Variants in LINS1 observed in about 807,000 individuals in gnomAD.
LINS1 encodes the protein lines homolog 1.
Under a neutral mutation model 41.6 loss-of-function variants are expected in LINS1, and 27 were observed. The observed-to-expected ratio is 0.65, with a 90% CI of 0.48 to 0.89. The LOEUF is 0.89. LINS1 is among the 40% of genes least tolerant of loss of function. LINS1 has a pLI of 0.00. For missense variants in LINS1, 955 were observed against 884.1 expected, an observed-to-expected ratio of 1.08 and a Z score of -1.02; for synonymous variants, 336 against 312.9, an observed-to-expected ratio of 1.07 and a Z score of -0.78.
intron 3 of LINS1, among the ~76,000 whole-genome samples, chr15:100,579,676 C>G (rs569479847): frequency 7.3e-6 from 1 of 136,744 alleles, no homozygotes; most frequent in South Asian, 2.3e-4. Flanking sequence ...TGTTTATTAA[C>G]TAATTCAGAG....
Position 100,569,102 on chromosome 15 carries a change from G to T in LINS1, c.*136C>A. ...CACGCCACTGCACTCCGGCCTGAGCGACAGAATGAGATTCTGTCTCAAAAA... is the reference window on the plus strand; with the variant it reads ...CACGCCACTGCACTCCGGCCTGAGCTACAGAATGAGATTCTGTCTCAAAAA... On this transcript the variant is annotated 3_prime_UTR_variant, in exon 7 of 7. Transcript: ENST00000314742. 1 of 576,664 alleles carries T rather than the reference G, an allele frequency of 1.7e-6. No homozygotes were observed. The highest frequency in any genetic ancestry group is 2.8e-6 in the Non-Finnish European group (1 of 353,880). 35.7% of individuals were successfully genotyped at this position (576,664 alleles called of 1,614,324 possible). A position where few individuals can be genotyped will look rare whatever the true frequency, so the allele number is the denominator to read the frequency against.
intron 1 of LINS1, among the ~76,000 whole-genome samples, chr15:100,595,320 A>C (rs1348234364): frequency 7.5e-6 from 1 of 133,944 alleles, no homozygotes; most frequent in Non-Finnish European, 1.6e-5. Context: ...TATATAAAGA[A>C]CTCCCAAAAC....
rs202005410 is a variant in LINS1, at chr15:100,571,987, G to T, written c.1301C>A (p.Pro434Gln). Residue 434 changes from proline to glutamine, a missense_variant, in exon 6 of 7, where the codon CCG (proline) becomes CAG (glutamine). Coordinates refer to ENST00000314742, the MANE Select transcript of LINS1 (RefSeq NM_001040616.3). ...HLQPSLQLHNPCKWLSRVFIE... is the reference protein window; with the variant it reads ...HLQPSLQLHNQCKWLSRVFIE... ...GAAAACCCGAGACAGCCATTTGCAC[G>T]GATTGTGTAATTGCAGAGAGGGCTG... 1.2e-6 allele frequency: 2 copies of T among 1,614,164 alleles called. No homozygotes were observed. The highest frequency in any genetic ancestry group is 1.7e-6 in the Non-Finnish European group (2 of 1,180,026).
chr15:100,592,437 C>T (rs2039079100), intron 1 of LINS1, among the ~76,000 whole-genome samples: 1 of 152,120 alleles, frequency 6.6e-6, no homozygotes, highest in Admixed American at 6.6e-5. Context: ...TCCCTCTCCC[C>T]TTCCTGAGAC....
intron 1 of LINS1, among the ~76,000 whole-genome samples, chr15:100,597,954 A>G (rs2039318988): frequency 6.6e-6 from 1 of 152,258 alleles, no homozygotes; most frequent in African/African-American, 2.4e-5. Flanking sequence ...TGTATAACTC[A>G]AGTAGGAAGA....
chr15:100,590,397 ATCAG>A (rs1402329783), intron 1 of LINS1, among the ~76,000 whole-genome samples: 2 of 152,240 alleles, frequency 1.3e-5, no homozygotes, highest in Admixed American at 6.5e-5. Flanking sequence ...TTGCCTCATC[ATCAG>A]TCAGAAACAG....
intron 5 of LINS1, chr15:100,572,742 C>G (rs1415606115): frequency 1.0e-6 from 1 of 984,012 alleles, no homozygotes; most frequent in Non-Finnish European, 1.2e-6. Flanking sequence ...ATTTACTATT[C>G]ATTTTTCTCA....
At chr15:100,574,813 T>C (rs1200426285) in intron 4 of LINS1, among the ~76,000 whole-genome samples, 174 bp downstream of exon 4, 1 of 152,156 alleles carries the variant, frequency 6.6e-6, no homozygotes, top group Non-Finnish European at 1.5e-5. Flanking sequence ...TTTTTCCTTA[T>C]ACTTTTTTTT....
chr15:100,592,544 A>C (rs2039083291), intron 1 of LINS1, among the ~76,000 whole-genome samples: 1 of 151,864 alleles, frequency 6.6e-6, no homozygotes. Flanking sequence ...GTCCAAAAAA[A>C]TCACCTCATT....
intron 1 of LINS1, among the ~76,000 whole-genome samples, chr15:100,594,609 T>G (rs1255957576): frequency 1.3e-5 from 2 of 152,216 alleles, no homozygotes; most frequent in Non-Finnish European, 2.9e-5. Flanking sequence ...CTAGGTATTT[T>G]AAATGATCTC....
At position 100,602,122 on chromosome 15, in the gene LINS1, TG is replaced by T. The variant is rs2039531205; in HGVS notation, c.-106del. ...CGGCGGCCGGTCCCGGTTACCTGCC[TG>T]GGATCTGGCTCAGGCGAACTCTCTT... On this transcript the variant is annotated splice_region_variant and 5_prime_UTR_variant, in exon 1 of 7. Coordinates refer to ENST00000314742, the MANE Select transcript of LINS1 (RefSeq NM_001040616.3). 6.6e-6 allele frequency: 1 copy of T among 152,382 alleles called. No homozygotes were observed. The highest frequency in any genetic ancestry group is 1.5e-5 in the Non-Finnish European group (1 of 68,156). The allele number at this position is 152,382 out of a possible 1,614,324, so 9.4% of individuals were successfully genotyped here. A position where few individuals can be genotyped will look rare whatever the true frequency, so the allele number is the denominator to read the frequency against.
intron 1 of LINS1, among the ~76,000 whole-genome samples, chr15:100,592,461 G>T (rs1329831230): frequency 1.3e-5 from 2 of 152,064 alleles, no homozygotes; most frequent in Non-Finnish European, 2.9e-5. Flanking sequence ...GGGTAGGGCT[G>T]AAAGTTCCAA....
At chr15:100,586,485 G>A (rs1333404603) in intron 1 of LINS1, among the ~76,000 whole-genome samples, 2 of 152,188 alleles carry the variant, frequency 1.3e-5, no homozygotes, top group Non-Finnish European at 2.9e-5. Flanking sequence ...TTTCTAAATT[G>A]TGGAACTGTT....
At chr15:100,574,465 C>A (rs113607116) in intron 4 of LINS1, among the ~76,000 whole-genome samples, 1 of 152,090 alleles carries the variant, frequency 6.6e-6, no homozygotes, top group Non-Finnish European at 1.5e-5. Flanking sequence ...CCCAGCACTT[C>A]GGGAGGCCGA....
At chr15:100,572,181 CT>C in intron 5 of LINS1, 116 bp from the exon 6 acceptor site, 2 of 1,523,850 alleles carry the variant, frequency 1.3e-6, no homozygotes, top group Non-Finnish European at 1.8e-6. Context: ...TCCTAATTCA[CT>C]TTCAAAAAGT....
intron 1 of LINS1, among the ~76,000 whole-genome samples, chr15:100,598,343 G>A (rs773689224): frequency 1.3e-5 from 2 of 152,216 alleles, no homozygotes; most frequent in East Asian, 1.9e-4. Flanking sequence ...TTTTAGTACC[G>A]TTTTGATCTC....
rs1427178281 is a variant in LINS1, at chr15:100,568,119, T to C, written c.*1119A>G. ...AGAATATGGAACATAATTATTCATG[T>C]CACAATTTTAAATAGGAAAATTAGT... is the stretch of plus-strand genomic sequence containing the variant. On this transcript the variant is annotated 3_prime_UTR_variant, in exon 7 of 7. Coordinates refer to ENST00000314742, the MANE Select transcript of LINS1 (RefSeq NM_001040616.3). 6.6e-6 allele frequency: 1 copy of C among 151,736 alleles called. No homozygotes were observed. Among genetic ancestry groups the C allele is most frequent in the Non-Finnish European group, 1.5e-5 (1 of 67,918 alleles). The allele number at this position is 151,736 out of a possible 1,614,324, so 9.4% of individuals were successfully genotyped here. A position where few individuals can be genotyped will look rare whatever the true frequency, so the allele number is the denominator to read the frequency against.
chr15:100,596,693 C>T (rs1193973057), intron 1 of LINS1, among the ~76,000 whole-genome samples: 1 of 152,130 alleles, frequency 6.6e-6, no homozygotes, highest in African/African-American at 2.4e-5. Context: ...AGCATAGATA[C>T]ACAAGTAAAA....
rs976440502 is a variant in LINS1 at position 100,567,992 on chromosome 15, A to G, written c.*1246T>C. ...AAGAGATCATTAAAAAAAAATGTAC[A>G]GGCAATATTTTAGACTGCCTTAATG... On this transcript the variant is annotated 3_prime_UTR_variant, in exon 7 of 7. Coordinates refer to ENST00000314742, the MANE Select transcript of LINS1 (RefSeq NM_001040616.3). 1 of 152,138 alleles carries G rather than the reference A, an allele frequency of 6.6e-6. No homozygotes were observed. The highest frequency in any genetic ancestry group is 1.5e-5 in the Non-Finnish European group (1 of 68,028). The allele number at this position is 152,138 out of a possible 1,614,324, so 9.4% of individuals were successfully genotyped here.
Sources: gnomAD v4.1 joint callset for allele counts (sites outside exome capture counted in the v4.1 genomes callset) on GRCh38, gnomAD v4.1.1 for gene constraint, MANE v1.5 for transcripts, NCBI Gene and HGNC (gene_info 2026-07-23, HGNC 2026-07-21) for gene names.